Variants in SMIM12 observed in about 807,000 individuals in gnomAD.
SMIM12 encodes small integral membrane protein 12, also known as UPF0767 protein C1orf212.
Under a neutral mutation model 6.3 loss-of-function variants are expected in SMIM12, and 5 were observed. The observed-to-expected ratio is 0.80, with a 90% CI of 0.42 to 1.68. The LOEUF (loss-of-function observed/expected upper bound fraction) is 1.68, where lower values mean the gene tolerates loss of function less well. SMIM12 is among the 40% of genes most tolerant of loss of function. SMIM12 has a pLI of 0.02. For missense variants in SMIM12, 103 were observed against 121.4 expected (o/e 0.85, Z 0.71); for synonymous variants, 51 against 48.0 (o/e 1.06, Z -0.26).
At position 34,853,481 on chromosome 1, in the gene SMIM12, C is replaced by T. The variant is rs143621517; in HGVS notation, c.*2218G>A. 2 of 152,324 alleles carry T rather than the reference C, an allele frequency of 1.3e-5. No homozygotes were observed. The highest frequency in any genetic ancestry group is 3.9e-4 in the East Asian group (2 of 5,188). 9.4% of individuals were successfully genotyped at this position (152,324 alleles called of 1,614,324 possible). A position where few individuals can be genotyped will look rare whatever the true frequency, so the allele number is the denominator to read the frequency against. ...CATTTGGTGTTATGCATGAGATCCT[C>T]AAAACTGCTCATTTATCCCATTTCA... On this transcript the variant is annotated 3_prime_UTR_variant, in exon 2 of 2. Transcript: ENST00000521580.
Position 34,855,488 on chromosome 1 carries a change from C to G in SMIM12, c.*211G>C. 2 of 1,604,412 alleles carry G rather than the reference C, an allele frequency of 1.2e-6. No homozygotes were observed. Among genetic ancestry groups the G allele is most frequent in the Non-Finnish European group, 1.7e-6 (2 of 1,174,068 alleles). ...TGCCTGAGTGCTTGTGGCCACCACA[C>G]AACAGATGCGGCCTTCCTCTTCACT... On this transcript the variant is annotated 3_prime_UTR_variant, in exon 2 of 2. Transcript: ENST00000521580.
chr1:34,854,607 T>C lies in SMIM12; in HGVS notation c.*1092A>G, dbSNP rs1484713132. 1.3e-5 allele frequency: 2 copies of C among 152,156 alleles called. No individual in the cohort carries two copies. Among genetic ancestry groups the C allele is most frequent in the African/African-American group, 4.8e-5 (2 of 41,340 alleles). The allele number at this position is 152,156 out of a possible 1,614,324, so 9.4% of individuals were successfully genotyped here. ...ATGATGACCATGTAAAATGGGAAAA[T>C]GATAATAGTGAGAAAAGTATATAAA... On this transcript the variant is annotated 3_prime_UTR_variant, in exon 2 of 2. Coordinates refer to ENST00000521580, the MANE Select transcript of SMIM12 (RefSeq NM_138428.6).
Position 34,855,118 on chromosome 1 carries a change from C to CATT in SMIM12, c.*580_*581insAAT. The CATT allele has an allele frequency of 7.5e-7, 1 of 1,334,194 alleles. No homozygotes were observed. The highest frequency in any genetic ancestry group is 1.0e-6 in the Non-Finnish European group (1 of 1,004,606). The allele number at this position is 1,334,194 out of a possible 1,614,324, so 82.6% of individuals were successfully genotyped here. Reference sequence around the variant, plus strand: ...GGGGGTAGAAGATGGTGACTGTTTTCAAGCAAATTCACGAGGCACATGTTC... The same window carrying CATT: ...GGGGGTAGAAGATGGTGACTGTTTTCATTAAGCAAATTCACGAGGCACATGTTC... On this transcript the variant is annotated 3_prime_UTR_variant, in exon 2 of 2. Transcript: ENST00000521580.
chr1:34,851,836 C>T lies in SMIM12; in HGVS notation c.*3863G>A, dbSNP rs974406874. On this transcript the variant is annotated 3_prime_UTR_variant, in exon 2 of 2. Transcript: ENST00000521580. ...AGCGGGGAGCAAAAAGCCCCAAGCACATCCACTCACTCATGTGTTTCAGTG... is the reference window on the plus strand; with the variant it reads ...AGCGGGGAGCAAAAAGCCCCAAGCATATCCACTCACTCATGTGTTTCAGTG... Among the ~76,000 whole-genome samples the T allele has an allele frequency of 4.6e-5, 7 of 152,344 alleles. No individual in the cohort carries two copies. The highest frequency in any genetic ancestry group is 1.7e-4 in the African/African-American group (7 of 41,576).
chr1:34,855,873 G>A lies in SMIM12; in HGVS notation c.105C>T (p.Ile35=). Residue 35 remains isoleucine (I), a synonymous_variant, in exon 2 of 2, where the codon ATC becomes ATT. Coordinates refer to ENST00000521580, the MANE Select transcript of SMIM12 (RefSeq NM_138428.6). ...GAVGYHLEWF[I]RGKDPQPVEE... is the part of the protein sequence containing the mutation. ...CCACGGGCTGGGGGTCCTTTCCCCT[G>A]ATGAACCATTCCAGGTGGTAACCCA... is the stretch of plus-strand genomic sequence containing the variant. The A allele has an allele frequency of 2.6e-6, 4 of 1,551,682 alleles. No homozygotes were observed. Among genetic ancestry groups the A allele is most frequent in the Non-Finnish European group, 2.6e-6 (3 of 1,147,002 alleles).
chr1:34,857,549 G>C (rs1238422175), intron 1 of SMIM12: 1 of 152,202 alleles, frequency 6.6e-6, no homozygotes, highest in Non-Finnish European at 1.5e-5. Context: ...AGAGGGTTAA[G>C]AGACTTGCCC....
At position 34,855,820 on chromosome 1, in the gene SMIM12, C is replaced by A. The variant is rs1232210137; in HGVS notation, c.158G>T (p.Arg53Leu). The change falls in exon 2 of 2, where the codon CGG (arginine) becomes CTG (leucine). Residue 53 changes from arginine to leucine, a missense_variant. By Grantham distance (102) the Arg-to-Leu change is moderately radical. Coordinates refer to ENST00000521580, the MANE Select transcript of SMIM12 (RefSeq NM_138428.6). ...AAGCTCATCCAGCTTGCGATCCTCC[C>A]GGCGCTCTGAGATGCTCTTTTCCTC... Reference protein sequence around the residue: ...VEEEKSISERREDRKLDELLG... With the variant: ...VEEEKSISERLEDRKLDELLG... The A allele has an allele frequency of 1.3e-6, 2 of 1,552,348 alleles. No individual in the cohort carries two copies. Among genetic ancestry groups the A allele is most frequent in the Non-Finnish European group, 1.7e-6 (2 of 1,147,364 alleles).
Position 34,850,504 on chromosome 1 carries a change from C to A in SMIM12, c.*5195G>T, listed in dbSNP as rs773040284. On this transcript the variant is annotated 3_prime_UTR_variant, in exon 2 of 2. Coordinates refer to ENST00000521580, the MANE Select transcript of SMIM12 (RefSeq NM_138428.6). Reference sequence around the variant, plus strand: ...GATTCCCCTAAAGACTTCTACTTAGCAAATACTATAAAATACGCTCTGTAC... The same window carrying A: ...GATTCCCCTAAAGACTTCTACTTAGAAAATACTATAAAATACGCTCTGTAC... Among the ~76,000 whole-genome samples, 3 of 152,166 alleles carry A rather than the reference C, an allele frequency of 2.0e-5. No homozygotes were observed. The highest frequency in any genetic ancestry group is 2.0e-4 in the Admixed American group (3 of 15,276).
rs1640935266 is a variant in SMIM12 at position 34,851,759 on chromosome 1, G to A, written c.*3940C>T. 6.6e-6 allele frequency among the ~76,000 whole-genome samples: 1 copy of A among 152,206 alleles called. No homozygotes were observed. Among genetic ancestry groups the A allele is most frequent in the South Asian group, 2.1e-4 (1 of 4,830 alleles). On this transcript the variant is annotated 3_prime_UTR_variant, in exon 2 of 2. Coordinates refer to ENST00000521580, the MANE Select transcript of SMIM12 (RefSeq NM_138428.6). ...AAGTGATTCCTGCCGTGCTCGGAGA[G>A]GACCCTATACTAAAGCCACCACCAT...
rs1380769933 is a variant in SMIM12 at position 34,851,142 on chromosome 1, T to G, written c.*4557A>C. On this transcript the variant is annotated 3_prime_UTR_variant, in exon 2 of 2. Transcript: ENST00000521580. ...CTGCTAACATTTACTGAGTACCTAC[T>G]GGTTGTTGTGAGGATGAGGTAATGT... 6.6e-6 allele frequency: 1 copy of G among 152,228 alleles called. No individual in the cohort carries two copies. Among genetic ancestry groups the G allele is most frequent in the African/African-American group, 2.4e-5 (1 of 41,464 alleles). 9.4% of individuals were successfully genotyped at this position (152,228 alleles called of 1,614,324 possible).
chr1:34,857,674 C>T (rs1455523661), intron 1 of SMIM12: 1 of 152,152 alleles, frequency 6.6e-6, no homozygotes, highest in Non-Finnish European at 1.5e-5. Context: ...GATGATTCTC[C>T]CCCTCTCTCT....
Position 34,852,667 on chromosome 1 carries a change from C to CTT in SMIM12, c.*3031_*3032insAA, listed in dbSNP as rs1491332362. On this transcript the variant is annotated 3_prime_UTR_variant, in exon 2 of 2. Transcript: ENST00000521580. ...AAACCCTGAATTTCTAGCATCTCTT[C>CTT]ATTTTTTTTTTTTTACCCCCTCTGG... The CTT allele has an allele frequency of 3.2e-3, 260 of 82,446 alleles. No homozygotes were observed. The highest frequency in any genetic ancestry group is 0.017 in the African/African-American group (243 of 14,098). 5.1% of individuals were successfully genotyped at this position (82,446 alleles called of 1,614,324 possible).
intron 1 of SMIM12, chr1:34,858,522 A>T (rs1246980625): frequency 3.3e-5 from 5 of 152,240 alleles, no homozygotes; most frequent in Non-Finnish European, 5.9e-5. Context: ...TCAGGGATTT[A>T]TGAAATTCAG....
rs1270271277 is a variant in SMIM12 at position 34,854,916 on chromosome 1, A to G, written c.*783T>C. ...TGCCTCCAGGGTTCAGTGCAACCGC[A>G]CTAGTAAAGCAGTTTCCAGGGCTCC... On this transcript the variant is annotated 3_prime_UTR_variant, in exon 2 of 2. Transcript: ENST00000521580. The G allele has an allele frequency of 6.8e-6, 3 of 441,376 alleles. No individual in the cohort carries two copies. The highest frequency in any genetic ancestry group is 8.6e-4 in the Middle Eastern group (1 of 1,168). 27.3% of individuals were successfully genotyped at this position (441,376 alleles called of 1,614,324 possible). A position where few individuals can be genotyped will look rare whatever the true frequency, so the allele number is the denominator to read the frequency against.
Position 34,853,742 on chromosome 1 carries a change from TA to T in SMIM12, c.*1956del, listed in dbSNP as rs1406201759. On this transcript the variant is annotated 3_prime_UTR_variant, in exon 2 of 2. Coordinates refer to ENST00000521580, the MANE Select transcript of SMIM12 (RefSeq NM_138428.6). ...GCTCACGCCTGTAATCCCAGCACTT[TA>T]GGAGGCCAAGGCAGGCAGATCACAA... 6.6e-6 allele frequency: 1 copy of T among 152,060 alleles called. No individual in the cohort carries two copies. The highest frequency in any genetic ancestry group is 6.6e-5 in the Admixed American group (1 of 15,264). The allele number at this position is 152,060 out of a possible 1,614,324, so 9.4% of individuals were successfully genotyped here. A position where few individuals can be genotyped will look rare whatever the true frequency, so the allele number is the denominator to read the frequency against.
At position 34,855,274 on chromosome 1, in the gene SMIM12, T is replaced by A; in HGVS notation, c.*425A>T. 7.3e-7 allele frequency: 1 copy of A among 1,374,372 alleles called. No individual in the cohort carries two copies. Among genetic ancestry groups the A allele is most frequent in the South Asian group, 1.1e-5 (1 of 88,104 alleles). 85.1% of individuals were successfully genotyped at this position (1,374,372 alleles called of 1,614,324 possible). A position where few individuals can be genotyped will look rare whatever the true frequency, so the allele number is the denominator to read the frequency against. ...GAGCACAAAGGATAGGGCAAAATAG[T>A]GAAGGGAGCCAGGTGCATATTTGAA... On this transcript the variant is annotated 3_prime_UTR_variant, in exon 2 of 2. Transcript: ENST00000521580.
intron 1 of SMIM12, 63 bp from the exon 2 acceptor site, chr1:34,856,045 C>G (rs935411524): frequency 3.4e-6 from 5 of 1,453,946 alleles, no homozygotes; most frequent in Non-Finnish European, 4.5e-6. Context: ...ATAAGAGCAA[C>G]CCACTAGAGC....
rs183750827 is a variant in SMIM12, at chr1:34,855,092, T to G, written c.*607A>C. On this transcript the variant is annotated 3_prime_UTR_variant, in exon 2 of 2. Coordinates refer to ENST00000521580, the MANE Select transcript of SMIM12 (RefSeq NM_138428.6). Reference sequence around the variant, plus strand: ...AATCAGGTTTTTCACTATACAGTGATGGGGGTAGAAGATGGTGACTGTTTT... The same window carrying G: ...AATCAGGTTTTTCACTATACAGTGAGGGGGGTAGAAGATGGTGACTGTTTT... 16 of 1,310,850 alleles carry G rather than the reference T, an allele frequency of 1.2e-5. No individual in the cohort carries two copies. The Admixed American group carries it at 3.3e-4, about 27-fold the overall frequency. 81.2% of individuals were successfully genotyped at this position (1,310,850 alleles called of 1,614,324 possible).
Position 34,854,111 on chromosome 1 carries a change from A to T in SMIM12, c.*1588T>A, listed in dbSNP as rs1638561334. On this transcript the variant is annotated 3_prime_UTR_variant, in exon 2 of 2. Transcript: ENST00000521580. ...CGCTTGAGGTCAGGAGTTCGAGACCAGCCTGGCCAAGATGGTGAAACCCCT... is the reference window on the plus strand; with the variant it reads ...CGCTTGAGGTCAGGAGTTCGAGACCTGCCTGGCCAAGATGGTGAAACCCCT... 1 of 152,070 alleles carries T rather than the reference A, an allele frequency of 6.6e-6. No homozygotes were observed. The highest frequency in any genetic ancestry group is 1.5e-5 in the Non-Finnish European group (1 of 68,042). 9.4% of individuals were successfully genotyped at this position (152,070 alleles called of 1,614,324 possible).
Sources: allele counts gnomAD v4.1 joint callset (sites outside exome capture counted in the v4.1 genomes callset), GRCh38; gene constraint gnomAD v4.1.1; transcripts MANE v1.5; gene names NCBI Gene and HGNC (gene_info 2026-07-23, HGNC 2026-07-21).